Variants in P2RY8 observed in about 807,000 individuals in gnomAD.
P2RY8 encodes the protein S-geranylgeranyl-glutathione receptor P2RY8.
A neutral mutation model predicts 10.0 loss-of-function variants in P2RY8; 6 were observed. The ratio of observed to expected loss-of-function variants is 0.60; its 90% CI spans 0.33 to 1.19. P2RY8 has a LOEUF of 1.19. Among genes scored for constraint, P2RY8 ranks in the 50% most tolerant of loss-of-function variants. The probability of loss-of-function intolerance (pLI) is 0.04; values close to 1 mark genes in which losing one functional copy is unlikely to be tolerated. For synonymous variants in P2RY8, 276 were observed against 252.5 expected, an observed-to-expected ratio of 1.09 and a Z score of -0.88; for missense variants, 456 against 542.0, an observed-to-expected ratio of 0.84 and a Z score of 1.58.
chrX:1,491,452 G>A (rs1246659471), intron 1 of P2RY8, among the ~76,000 whole-genome samples: 7 of 152,224 alleles, frequency 4.6e-5, no homozygotes, highest in African/African-American at 1.7e-4. Flanking sequence ...ATAAACGAAT[G>A]GGTGAATACA....
In P2RY8 at chrX:1,465,396, T is replaced by G. The variant is rs1306031879; in HGVS notation, c.*83A>C. ...CTGGGAGCAACGCAGCTGTTCTCCC[T>G]GAACCTCTGGCACCGTGGCCTCTCC... On this transcript the variant is annotated 3_prime_UTR_variant, in exon 2 of 2. Transcript: ENST00000381297. 2 of 1,515,700 alleles carry G rather than the reference T, an allele frequency of 1.3e-6. No individual in the cohort carries two copies. The highest frequency in any genetic ancestry group is 1.4e-5 in the African/African-American group (1 of 71,972). The allele number at this position is 1,515,700 out of a possible 1,614,324, so 93.9% of individuals were successfully genotyped here.
intron 1 of P2RY8, among the ~76,000 whole-genome samples, chrX:1,520,442 A>G (rs1488842652): frequency 1.4e-4 from 21 of 150,930 alleles, no homozygotes; most frequent in Non-Finnish European, 2.7e-4. Flanking sequence ...CTGGTCCCCA[A>G]TATTCTCTCT....
rs771494979 is a variant in P2RY8, at chrX:1,471,987, T to A, written c.-24-5405A>T. On this transcript the variant is annotated intron_variant, in intron 1 of 1. Transcript: ENST00000381297. ...CTGGGGGTGTTTGCACCACCCAGTT[T>A]GTGGTTCTTTTGATAGGGCTGCCTC... Among the ~76,000 whole-genome samples, 3 of 152,216 alleles carry A rather than the reference T, an allele frequency of 2.0e-5. No individual in the cohort carries two copies. The East Asian group carries it at 5.8e-4, about 30-fold the overall frequency.
chrX:1,474,167 T>C (rs1194338938), intron 1 of P2RY8, among the ~76,000 whole-genome samples: 1 of 150,590 alleles, frequency 6.6e-6, no homozygotes, highest in African/African-American at 2.5e-5. Flanking sequence ...GATGGGTGGG[T>C]GTATGGATGG....
At chrX:1,498,405 CAAAAAAAAA>C (rs1175667773) in intron 1 of P2RY8, among the ~76,000 whole-genome samples, 8 of 70,630 alleles carry the variant, frequency 1.1e-4, no homozygotes, top group South Asian at 5.2e-4. Context: ...GACTCTGTCT[CAAAAAAAAA>C]AAAAAAAAAG....
intron 1 of P2RY8, among the ~76,000 whole-genome samples, chrX:1,498,887 T>C (rs1278910866): frequency 4.6e-5 from 7 of 151,480 alleles, no homozygotes; most frequent in African/African-American, 1.7e-4. Context: ...CAGGCTGGAG[T>C]GCAGTGGCAC....
At chrX:1,501,687 G>A (rs1339505517) in intron 1 of P2RY8, among the ~76,000 whole-genome samples, 16 of 151,966 alleles carry the variant, frequency 1.1e-4, no homozygotes, top group South Asian at 2.1e-4. Context: ...TCCATCTCCC[G>A]GGTTCAAGTG....
chrX:1,470,261 C>T (rs1340758001), intron 1 of P2RY8, among the ~76,000 whole-genome samples: 4 of 151,986 alleles, frequency 2.6e-5, no homozygotes, highest in African/African-American at 9.7e-5. Context: ...TCTGTAATCC[C>T]ATCACTTTGG....
At chrX:1,530,827 T>C (rs1488822973) in intron 1 of P2RY8, among the ~76,000 whole-genome samples, 1 of 151,846 alleles carries the variant, frequency 6.6e-6, no homozygotes, top group Non-Finnish European at 1.5e-5. Flanking sequence ...TATCTGTCTA[T>C]CATCACCATT....
At chrX:1,493,440 G>GAGGAGGAAGGAGGAGGA (rs1556679303) in intron 1 of P2RY8, among the ~76,000 whole-genome samples, 182 of 13,876 alleles carry the variant, frequency 0.013, 7 homozygotes, top group Non-Finnish European at 0.023. Flanking sequence ...GGGAGGGAAG[G>GAGGAGGAAGGAGGAGGA]AGGAGGAAGG....
intron 1 of P2RY8, among the ~76,000 whole-genome samples, chrX:1,503,637 G>T (rs1352909730): frequency 6.6e-6 from 1 of 152,152 alleles, no homozygotes; most frequent in Non-Finnish European, 1.5e-5. Context: ...GCTCACACCT[G>T]TAATCCCAGC....
At chrX:1,485,023 T>G (rs1279018120) in intron 1 of P2RY8, among the ~76,000 whole-genome samples, 1 of 137,940 alleles carries the variant, frequency 7.2e-6, no homozygotes, top group African/African-American at 2.7e-5. Flanking sequence ...GAGACAGGAT[T>G]GCAGTTTGTT....
chrX:1,522,852 C>T (rs1160409858), intron 1 of P2RY8, among the ~76,000 whole-genome samples: 2 of 151,694 alleles, frequency 1.3e-5, no homozygotes, highest in South Asian at 2.1e-4. Context: ...GCGGATCACT[C>T]GAGGTCAAGA....
chrX:1,487,248 G>A (rs775333025), intron 1 of P2RY8, among the ~76,000 whole-genome samples: 9 of 152,222 alleles, frequency 5.9e-5, no homozygotes, highest in Non-Finnish European at 8.8e-5. Context: ...TGTCTTTCCC[G>A]GCCACACAGA....
intron 1 of P2RY8, among the ~76,000 whole-genome samples, chrX:1,474,780 AGATGGATGGGTG>A (rs1442729600): frequency 6.8e-6 from 1 of 146,354 alleles, no homozygotes; most frequent in Non-Finnish European, 1.5e-5. Flanking sequence ...GAGGATGGGT[AGATGGATGGGTG>A]GATGGATAGA....
At position 1,528,921 on chromosome X, in the gene P2RY8, C is replaced by T. The variant is rs1431018663; in HGVS notation, c.-25+8000G>A. 2.0e-5 allele frequency among the ~76,000 whole-genome samples: 3 copies of T among 152,132 alleles called. No individual in the cohort carries two copies. The East Asian group carries it at 5.8e-4, about 29-fold the overall frequency. ...AGTCTCTTTGAGTGTGGATTGGAGT[C>T]TCTGAATGTGCGTGGATTTGAGTCT... On this transcript the variant is annotated intron_variant, in intron 1 of 1. Transcript: ENST00000381297.
At chrX:1,481,835 G>A (rs747474429) in intron 1 of P2RY8, among the ~76,000 whole-genome samples, 1 of 152,210 alleles carries the variant, frequency 6.6e-6, no homozygotes, top group African/African-American at 2.4e-5. Flanking sequence ...TGCTGGCGTC[G>A]GCCTCAGATC....
At chrX:1,526,633 C>T (rs2092442174) in intron 1 of P2RY8, among the ~76,000 whole-genome samples, 1 of 151,148 alleles carries the variant, frequency 6.6e-6, no homozygotes, top group Non-Finnish European at 1.5e-5. Flanking sequence ...TATGCATCCA[C>T]TCATTTATCC....
chrX:1,532,384 G>GTA (rs1234913137), intron 1 of P2RY8, among the ~76,000 whole-genome samples: 3 of 138,570 alleles, frequency 2.2e-5, no homozygotes, highest in Non-Finnish European at 3.3e-5. Context: ...TATGATGTGT[G>GTA]TATATGCACA....
Sources: gnomAD v4.1 joint callset for allele counts (sites outside exome capture counted in the v4.1 genomes callset) on GRCh38, gnomAD v4.1.1 for gene constraint, MANE v1.5 for transcripts, NCBI Gene and HGNC (gene_info 2026-07-23, HGNC 2026-07-21) for gene names.